The following ESR2 variants were observed in gnomAD, a reference collection of about 807,000 sequenced individuals.
The protein encoded by ESR2 is estrogen receptor beta.
In ESR2, 36 loss-of-function variants were observed where a neutral mutation model predicts 49.6. The ratio of observed to expected loss-of-function variants is 0.73; its 90% CI spans 0.56 to 0.96. The LOEUF is 0.96. Ranked by LOEUF, ESR2 falls within the 40% of genes least tolerant of loss-of-function variation. The pLI, the probability that ESR2 is intolerant of heterozygous loss-of-function variation, is 0.00. For missense variants in ESR2, 714 were observed against 693.0 expected, an observed-to-expected ratio of 1.03 and a Z score of -0.34; for synonymous variants, 320 against 266.1, an observed-to-expected ratio of 1.20 and a Z score of -1.97.
chr14:64,331,853 T>G (rs1029654125), intron 1 of ESR2, among the ~76,000 whole-genome samples: 3 of 150,702 alleles, frequency 2.0e-5, no homozygotes, highest in African/African-American at 4.9e-5. Flanking sequence ...AAGAATCCTT[T>G]GCACAGTCTC....
At chr14:64,283,977 G>C (rs2076739530) in intron 1 of ESR2, among the ~76,000 whole-genome samples, 1 of 152,050 alleles carries the variant, frequency 6.6e-6, no homozygotes, top group South Asian at 2.1e-4. Context: ...CCAGGCTGGA[G>C]TGCAGTGGCA....
chr14:64,266,082 C>T (rs1345802880), intron 4 of ESR2, among the ~76,000 whole-genome samples: 1 of 152,164 alleles, frequency 6.6e-6, no homozygotes, highest in East Asian at 1.9e-4. Context: ...AGAATACAGT[C>T]TTTTCTTAGA....
At chr14:64,305,122 C>T (rs1024416170) in intron 1 of ESR2, among the ~76,000 whole-genome samples, 1 of 150,930 alleles carries the variant, frequency 6.6e-6, no homozygotes, top group African/African-American at 2.4e-5. Flanking sequence ...AACCCCGTCT[C>T]TACTAAAAAT....
chr14:64,234,646 G>A (rs2098730651), intron 8 of ESR2: 3 of 455,516 alleles, frequency 6.6e-6, no homozygotes, highest in Non-Finnish European at 7.7e-6. Context: ...AGCCCTGGGT[G>A]GTGTAAACAG....
Position 64,266,418 on chromosome 14 carries a change from A to G in ESR2, c.652+2377T>C, listed in dbSNP as rs192505932. Among the ~76,000 whole-genome samples, 1,360 of 152,352 alleles carry G rather than the reference A, an allele frequency of 8.9e-3. 21 individuals are homozygous for G. The highest frequency in any genetic ancestry group is 0.031 in the African/African-American group (1,292 of 41,584). On this transcript the variant is annotated intron_variant, in intron 4 of 8. Coordinates refer to ENST00000341099, the MANE Select transcript of ESR2 (RefSeq NM_001437.3). ...GGAAGTGATGAAACGAAAATGAAAC[A>G]TAGACTCTATGGGATCCAACCTCCA...
At chr14:64,305,411 C>A (rs1271482752) in intron 1 of ESR2, among the ~76,000 whole-genome samples, 1 of 152,078 alleles carries the variant, frequency 6.6e-6, no homozygotes, top group Non-Finnish European at 1.5e-5. Flanking sequence ...TGGCTCACGC[C>A]TGTAATCCCA....
intron 3 of ESR2, among the ~76,000 whole-genome samples, chr14:64,273,015 G>A (rs954038958): frequency 6.8e-6 from 1 of 146,772 alleles, no homozygotes; most frequent in South Asian, 2.2e-4. Flanking sequence ...CATTTTTTTT[G>A]TCCTCTTCAA....
intron 6 of ESR2, among the ~76,000 whole-genome samples, chr14:64,256,954 G>A (rs934837124): frequency 1.3e-5 from 2 of 152,106 alleles, no homozygotes; most frequent in East Asian, 1.9e-4. Context: ...TATACACATA[G>A]TGGCCACATA....
chr14:64,256,942 C>T (rs1472184714), intron 6 of ESR2, among the ~76,000 whole-genome samples: 1 of 152,094 alleles, frequency 6.6e-6, no homozygotes, highest in Non-Finnish European at 1.5e-5. Flanking sequence ...TCTGTGTCGA[C>T]TTATACACAT....
chr14:64,253,644 G>A (rs752907651), intron 6 of ESR2, among the ~76,000 whole-genome samples: 6 of 147,026 alleles, frequency 4.1e-5, no homozygotes, highest in African/African-American at 1.3e-4. Context: ...ATCTCTGCTC[G>A]CAGCACACAC....
chr14:64,280,069 G>A lies in ESR2; in HGVS notation c.447C>T (p.Cys149=), dbSNP rs749898001. ...CCGATGCGTAATCGCTGCAGACAGC[G>A]CAGAAGTGAGCATCCCTCTTTGAAC... ...GPGSKRDAHF[C]AVCSDYASGY... Residue 149 remains cysteine, a synonymous_variant, in exon 3 of 9, where the codon TGC becomes TGT. Transcript: ENST00000341099. 1.7e-5 allele frequency: 28 copies of A among 1,613,832 alleles called. No individual in the cohort carries two copies. Among genetic ancestry groups the A allele is most frequent in the South Asian group, 2.2e-5 (2 of 91,088 alleles).
chr14:64,317,182 C>T (rs1453184942), intron 1 of ESR2, among the ~76,000 whole-genome samples: 1 of 152,202 alleles, frequency 6.6e-6, no homozygotes, highest in African/African-American at 2.4e-5. Flanking sequence ...GGGAGAACCA[C>T]TTGAACCCAG....
chr14:64,253,104 C>T (rs2076023014), intron 6 of ESR2, among the ~76,000 whole-genome samples: 1 of 152,068 alleles, frequency 6.6e-6, no homozygotes, highest in African/African-American at 2.4e-5. Flanking sequence ...GATCCACTCA[C>T]CTCAGCCTCC....
In ESR2 at chr14:64,257,274, A is replaced by G. The variant is rs758311034; in HGVS notation, c.1043T>C (p.Ile348Thr). ...AAAGATGAGCTTGCCGGGGTGGTCA[A>G]TTGAGCGCCACATCAGCCCCATCAT... is the stretch of plus-strand genomic sequence containing the variant. Reference protein sequence around the residue: ...VLMMGLMWRSIDHPGKLIFAP... With the variant: ...VLMMGLMWRSTDHPGKLIFAP... The change falls in exon 6 of 9, where the codon ATT (isoleucine) becomes ACT (threonine). Residue 348 changes from isoleucine to threonine, a missense_variant. Physicochemically the swap from Ile to Thr is moderately conservative, Grantham distance 89. Coordinates refer to ENST00000341099, the MANE Select transcript of ESR2 (RefSeq NM_001437.3). 6.3e-5 allele frequency: 102 copies of G among 1,614,050 alleles called. No individual in the cohort carries two copies. The highest frequency in any genetic ancestry group is 8.3e-5 in the Non-Finnish European group (98 of 1,180,036).
At position 64,303,758 on chromosome 14, in the gene ESR2, T is replaced by A. The variant is rs931503392; in HGVS notation, c.-90-20683A>T. 9 of 152,328 alleles carry A rather than the reference T, an allele frequency of 5.9e-5. No individual in the cohort carries two copies. In the South Asian group the frequency reaches 1.0e-3, roughly 18 times the overall value. 9.4% of individuals were successfully genotyped at this position (152,328 alleles called of 1,614,324 possible). ...CTAATTTCCAATAGCAGCACAAAAA[T>A]TTCCTTTTTATTCATTTAATATTTC... On this transcript the variant is annotated intron_variant, in intron 1 of 8. Coordinates refer to the ESR2 transcript ENST00000358599.
At chr14:64,331,273 G>C (rs1049483075) in intron 1 of ESR2, among the ~76,000 whole-genome samples, 1 of 152,136 alleles carries the variant, frequency 6.6e-6, no homozygotes. Flanking sequence ...AAATAAGTGA[G>C]ATTTCATAAC....
At chr14:64,296,043 CAA>C (rs34335763), upstream of ESR2, among the ~76,000 whole-genome samples, 3,246 of 89,046 alleles carry the variant, frequency 0.036, 83 homozygotes, top group African/African-American at 0.14. Flanking sequence ...GACTCTGTCT[CAA>C]AAAAAAAAAA....
rs904766658 is a variant in ESR2 at position 64,231,729 on chromosome 14, G to A, written c.*1408C>T. ...ATATCACAAGGTAATTGTTTAAAAC[G>A]TTACTGCAATAATGAAACATGATTA... is the stretch of plus-strand genomic sequence containing the variant. On this transcript the variant is annotated 3_prime_UTR_variant, in exon 9 of 9. Coordinates refer to ENST00000341099, the MANE Select transcript of ESR2 (RefSeq NM_001437.3). 4 of 152,054 alleles carry A rather than the reference G, an allele frequency of 2.6e-5. No homozygotes were observed. Among genetic ancestry groups the A allele is most frequent in the African/African-American group, 4.8e-5 (2 of 41,382 alleles). 9.4% of individuals were successfully genotyped at this position (152,054 alleles called of 1,614,324 possible). A position where few individuals can be genotyped will look rare whatever the true frequency, so the allele number is the denominator to read the frequency against.
chr14:64,309,123 C>T (rs1184528701), intron 1 of ESR2, among the ~76,000 whole-genome samples: 3 of 152,152 alleles, frequency 2.0e-5, no homozygotes, highest in Admixed American at 2.0e-4. Context: ...TAAACGGTAG[C>T]TATTATTGCC....
Sources: allele counts gnomAD v4.1 joint callset (sites outside exome capture counted in the v4.1 genomes callset), GRCh38; gene constraint gnomAD v4.1.1; transcripts MANE v1.5; gene names NCBI Gene and HGNC (gene_info 2026-07-23, HGNC 2026-07-21).